CEACAM19: variants seen among roughly 807,000 people sequenced by gnomAD.
The protein encoded by CEACAM19 is CEA cell adhesion molecule 19, also known as cell adhesion molecule CEACAM19.
In CEACAM19, 37 loss-of-function variants were observed where a neutral mutation model predicts 37.6. The ratio of observed to expected loss-of-function variants is 0.98; its 90% confidence interval spans 0.76 to 1.29. The LOEUF (loss-of-function observed/expected upper bound fraction) is 1.29, where lower values mean the gene tolerates loss of function less well. Among genes scored for constraint, CEACAM19 ranks in the 50% most tolerant of loss-of-function variants. The pLI is 0.00. For synonymous variants in CEACAM19, 140 were observed against 149.8 expected (o/e 0.93, Z 0.48); for missense variants, 340 against 375.6 (o/e 0.91, Z 0.78).
upstream of CEACAM19, among the ~76,000 whole-genome samples, chr19:44,666,700 A>T (rs1599781841): frequency 6.6e-6 from 1 of 152,040 alleles, no homozygotes; most frequent in East Asian, 1.9e-4. Context: ...GACCCCACGA[A>T]CCCAGCATGA....
upstream of CEACAM19, among the ~76,000 whole-genome samples, chr19:44,670,543 C>T (rs563422678): frequency 6.0e-5 from 9 of 151,140 alleles, no homozygotes; most frequent in East Asian, 5.9e-4. Context: ...GGCATGGTGA[C>T]GCATGCCTGT....
At chr19:44,670,091 G>A (rs1249101233), upstream of CEACAM19, among the ~76,000 whole-genome samples, 1 of 152,146 alleles carries the variant, frequency 6.6e-6, no homozygotes, top group Non-Finnish European at 1.5e-5. Flanking sequence ...GGAGGCTAAG[G>A]TGGGAGGATC....
chr19:44,679,714 A>T (rs1229262312), intron 4 of CEACAM19, among the ~76,000 whole-genome samples: 1 of 151,832 alleles, frequency 6.6e-6, no homozygotes, highest in South Asian at 2.1e-4. Flanking sequence ...GCACCACTGC[A>T]CTCCAGCCTG....
upstream of CEACAM19, chr19:44,667,435 G>A (rs1973732540): frequency 6.7e-6 from 1 of 149,066 alleles, no homozygotes; most frequent in Non-Finnish European, 1.5e-5. Flanking sequence ...ACTTGAAGGT[G>A]GCTAGTTTGA....
At chr19:44,673,766 C>T (rs1244143143) in intron 2 of CEACAM19, 1 of 152,068 alleles carries the variant, frequency 6.6e-6, no homozygotes, top group Non-Finnish European at 1.5e-5. Flanking sequence ...GAATACGAAC[C>T]AGAATGATGT....
chr19:44,672,468 C>CAATGAG, intron 1 of CEACAM19, 128 bp from the exon 2 acceptor site: 2 of 1,048,880 alleles, frequency 1.9e-6, no homozygotes, highest in Non-Finnish European at 2.6e-6. Flanking sequence ...CTAATCAATC[C>CAATGAG]CAGCATTGTT....
chr19:44,670,952 G>A (rs974199435), upstream of CEACAM19, among the ~76,000 whole-genome samples: 7 of 152,010 alleles, frequency 4.6e-5, no homozygotes, highest in South Asian at 4.1e-4. Flanking sequence ...AAAAGTAGCC[G>A]GGCGTGGTGG....
chr19:44,672,082 G>A (rs1251601308), intron 1 of CEACAM19, 96 bp downstream of exon 1: 2 of 1,027,396 alleles, frequency 1.9e-6, no homozygotes, highest in Non-Finnish European at 2.9e-6. Flanking sequence ...GATTACCTGA[G>A]AGGATGAAAT....
chr19:44,678,759 C>G (rs111607487), intron 3 of CEACAM19, 94 bp from the exon 4 acceptor site: 17 of 1,527,706 alleles, frequency 1.1e-5, no homozygotes, highest in Admixed American at 1.9e-5. Flanking sequence ...CCCCTCCCCC[C>G]TCTCCATTTT....
upstream of CEACAM19, among the ~76,000 whole-genome samples, chr19:44,668,568 T>TA (rs1973795515): frequency 8.0e-5 from 5 of 62,564 alleles, no homozygotes; most frequent in South Asian, 1.5e-3. Context: ...ATACATATTA[T>TA]ATATGTATAT....
chr19:44,672,931 A>G lies in CEACAM19; in HGVS notation c.391A>G (p.Thr131Ala), dbSNP rs1973883817. The change falls in exon 2 of 8, where the codon ACT becomes GCT. Residue 131 changes from threonine to alanine, a missense_variant. Thr to Ala is a moderately conservative substitution (Grantham distance 58, BLOSUM62 0). Coordinates refer to ENST00000358777, the MANE Select transcript of CEACAM19 (RefSeq NM_001127893.3). ...AGCCATTACCATCAACTCTGAATGG[A>G]CTATGAAGGCCAAGACTGAGGTCCA... ...QVAITINSEW[T>A]MKAKTEVQVA... 6.6e-7 allele frequency: 1 copy of G among 1,517,432 alleles called. No homozygotes were observed. The highest frequency in any genetic ancestry group is 8.9e-7 in the Non-Finnish European group (1 of 1,127,808). The allele number at this position is 1,517,432 out of a possible 1,614,324, so 94.0% of individuals were successfully genotyped here.
intron 1 of CEACAM19, 123 bp from the exon 2 acceptor site, chr19:44,672,473 A>G: frequency 9.2e-7 from 1 of 1,089,252 alleles, no homozygotes; most frequent in East Asian, 2.7e-5. Context: ...CAATCCCAGC[A>G]TTGTTTCCAA....
chr19:44,682,826 T>C, intron 7 of CEACAM19: 1 of 531,186 alleles, frequency 1.9e-6, no homozygotes, highest in South Asian at 2.5e-5. Flanking sequence ...GGCTGCAATT[T>C]CCTTCTTTGC....
chr19:44,683,055 ACTCTCTCTCTCTCT>A (rs3028346), intron 7 of CEACAM19: 2 of 148,122 alleles, frequency 1.4e-5, no homozygotes, highest in Non-Finnish European at 2.8e-5. Context: ...CCTTTCTTGG[ACTCTCTCTCTCTCT>A]CTCTCTCTCT....
At chr19:44,667,907 AAT>A (rs1238304312), upstream of CEACAM19, among the ~76,000 whole-genome samples, 2 of 78,656 alleles carry the variant, frequency 2.5e-5, no homozygotes, top group South Asian at 3.9e-4. Context: ...TAATATATAA[AAT>A]ATATATAAAT....
upstream of CEACAM19, among the ~76,000 whole-genome samples, chr19:44,668,967 GCGC>G (rs1231601905): frequency 6.8e-6 from 1 of 147,320 alleles, no homozygotes. Context: ...TTACAGGCAT[GCGC>G]CACCACGGCC....
rs772411804 is a variant in CEACAM19, at chr19:44,672,890, G to A, written c.350G>A (p.Ser117Asn). 6.3e-7 allele frequency: 1 copy of A among 1,575,318 alleles called. No individual in the cohort carries two copies. Among genetic ancestry groups the A allele is most frequent in the Non-Finnish European group, 8.6e-7 (1 of 1,158,280 alleles). The part of the protein sequence containing the change: ...MLLRRAQPTD[S>N]GTYQVAITIN... ...CTGCGCCGCGCCCAGCCTACAGACA[G>A]TGGCACCTACCAAGTAGCCATTACC... Residue 117 changes from serine to asparagine, a missense_variant, in exon 2 of 8, where the codon AGT becomes AAT. By Grantham distance (46) the Ser-to-Asn change is conservative. Transcript: ENST00000358777.
chr19:44,670,298 GGGC>G (rs1347513800), upstream of CEACAM19, among the ~76,000 whole-genome samples: 3 of 151,408 alleles, frequency 2.0e-5, no homozygotes, highest in Non-Finnish European at 4.4e-5. Flanking sequence ...ACTCCAGCCT[GGGC>G]AACAGAGCGA....
chr19:44,670,424 T>C (rs190401839), upstream of CEACAM19, among the ~76,000 whole-genome samples: 1 of 151,708 alleles, frequency 6.6e-6, no homozygotes, highest in Non-Finnish European at 1.5e-5. Flanking sequence ...CCTATACTCC[T>C]AGTACTTTGG....
Sources: gnomAD v4.1 joint callset for allele counts (sites outside exome capture counted in the v4.1 genomes callset) on GRCh38, gnomAD v4.1.1 for gene constraint, MANE v1.5 for transcripts, NCBI Gene and HGNC (gene_info 2026-07-23, HGNC 2026-07-21) for gene names.